Variants in FGD4 observed in about 807,000 individuals in gnomAD.
The protein encoded by FGD4 is FYVE, RhoGEF and PH domain-containing protein 4.
In FGD4, 42 loss-of-function variants were observed where a neutral mutation model predicts 102.0. That is an observed-to-expected ratio of 0.41 (90% confidence interval 0.32 to 0.53). The LOEUF (loss-of-function observed/expected upper bound fraction) is 0.53. Among genes scored for constraint, FGD4 ranks in the 20% least tolerant of loss-of-function variants. FGD4 has a pLI of 0.21. For synonymous variants in FGD4, 380 were observed against 375.7 expected, an observed-to-expected ratio of 1.01 and a Z score of -0.13; for missense variants, 902 against 1,078.2, an observed-to-expected ratio of 0.84 and a Z score of 2.29.
chr12:32,556,251 AT>A (rs1036850929), intron 1 of FGD4, among the ~76,000 whole-genome samples: 1 of 151,948 alleles, frequency 6.6e-6, no homozygotes, highest in Non-Finnish European at 1.5e-5. Flanking sequence ...ATGCTTTAAA[AT>A]TTTTTTTAAT....
chr12:32,476,619 C>T lies in FGD4; in HGVS notation c.166+76660C>T, dbSNP rs371431222. ...AAGTTGCCATGCCTCTAGCTAGGTG[C>T]AGGGCTATGTGCCTGTAATACCAGC... On this transcript the variant is annotated intron_variant, in intron 1 of 16. Transcript: ENST00000534526. Among the ~76,000 whole-genome samples, 3 of 152,102 alleles carry T rather than the reference C, an allele frequency of 2.0e-5. No homozygotes were observed. In the East Asian group the frequency reaches 5.8e-4, roughly 29 times the overall value.
intron 1 of FGD4, among the ~76,000 whole-genome samples, chr12:32,555,764 G>A (rs904333746): frequency 2.0e-5 from 3 of 151,772 alleles, no homozygotes; most frequent in Non-Finnish European, 1.5e-5. Context: ...TAGAGACGGG[G>A]TTTCACCGTG....
chr12:32,605,910 T>C (rs190666345), intron 7 of FGD4, among the ~76,000 whole-genome samples: 13 of 152,336 alleles, frequency 8.5e-5, no homozygotes, highest in Admixed American at 8.5e-4. Context: ...ATAGTGGTAG[T>C]TATTGTCTAG....
At chr12:32,467,217 T>G (rs1022950293) in intron 1 of FGD4, among the ~76,000 whole-genome samples, 2 of 152,112 alleles carry the variant, frequency 1.3e-5, no homozygotes, top group Non-Finnish European at 2.9e-5. Flanking sequence ...GATTACAGTT[T>G]GGTAAAAGAA....
At chr12:32,475,042 G>A (rs531599559) in intron 1 of FGD4, among the ~76,000 whole-genome samples, 20 of 152,280 alleles carry the variant, frequency 1.3e-4, no homozygotes, top group Middle Eastern at 3.4e-3. Context: ...TGACTGGGAG[G>A]CACATGACCT....
rs376652382 is a variant in FGD4 at position 32,637,166 on chromosome 12, C to T, written c.2314-1489C>T. Reference sequence around the variant, plus strand: ...TGCCTCCCAAAGTGCGGGGATTACACGTGTGAGCCACCGCACCCAGCCTTT... The same window carrying T: ...TGCCTCCCAAAGTGCGGGGATTACATGTGTGAGCCACCGCACCCAGCCTTT... On this transcript the variant is annotated intron_variant, in intron 15 of 16. Coordinates refer to ENST00000534526, the MANE Select transcript of FGD4 (RefSeq NM_001370298.3). 2.7e-4 allele frequency among the ~76,000 whole-genome samples: 41 copies of T among 150,276 alleles called. 1 individual carries two copies. Among genetic ancestry groups the T allele is most frequent in the Admixed American group, 1.9e-3 (28 of 15,054 alleles).
intron 1 of FGD4, among the ~76,000 whole-genome samples, chr12:32,410,005 TC>T (rs1472585378): frequency 0.016 from 1,284 of 81,816 alleles, 21 homozygotes; most frequent in African/African-American, 0.071. Context: ...GTCTTGTCTC[TC>T]AAAAAAAAAA....
chr12:32,607,720 G>T (rs1426772893), intron 7 of FGD4, among the ~76,000 whole-genome samples: 1 of 152,128 alleles, frequency 6.6e-6, no homozygotes, highest in Non-Finnish European at 1.5e-5. Context: ...TTGCCATGTT[G>T]GCCGGGCTGG....
At chr12:32,577,576 A>T (rs1946229282) in intron 3 of FGD4, among the ~76,000 whole-genome samples, 2 of 152,198 alleles carry the variant, frequency 1.3e-5, no homozygotes, top group South Asian at 4.1e-4. Context: ...TATTTTACAA[A>T]GTTACAAGTT....
chr12:32,439,121 A>C (rs1361093232), intron 1 of FGD4, among the ~76,000 whole-genome samples: 1 of 152,102 alleles, frequency 6.6e-6, no homozygotes, highest in Non-Finnish European at 1.5e-5. Context: ...ATTTCCCCAA[A>C]ACTGCACCCC....
At chr12:32,565,166 A>G (rs1221313835) in intron 2 of FGD4, among the ~76,000 whole-genome samples, 1 of 152,240 alleles carries the variant, frequency 6.6e-6, no homozygotes, top group Non-Finnish European at 1.5e-5. Context: ...TAGAGCATGC[A>G]TTATAAAATA....
intron 1 of FGD4, among the ~76,000 whole-genome samples, chr12:32,543,302 C>A (rs1942987655): frequency 6.6e-6 from 1 of 152,272 alleles, no homozygotes; most frequent in Non-Finnish European, 1.5e-5. Context: ...GTAGGCCACC[C>A]TCCCTGCACA....
chr12:32,578,089 G>A (rs1324235893), intron 3 of FGD4, among the ~76,000 whole-genome samples: 2 of 152,128 alleles, frequency 1.3e-5, no homozygotes, highest in Non-Finnish European at 2.9e-5. Context: ...CTGTTTTGAT[G>A]CAAAGGTTGA....
intron 1 of FGD4, among the ~76,000 whole-genome samples, chr12:32,443,485 G>T (rs1462614441): frequency 2.0e-5 from 3 of 151,672 alleles, no homozygotes; most frequent in African/African-American, 7.3e-5. Context: ...TGAGCAGCTG[G>T]GACTACAGGC....
chr12:32,639,575 AT>A (rs577393825), intron 16 of FGD4, among the ~76,000 whole-genome samples: 307 of 152,238 alleles, frequency 2.0e-3, no homozygotes, highest in African/African-American at 7.1e-3. Context: ...TTCAGTAGCA[AT>A]TTTTTTGAGA....
intron 1 of FGD4, among the ~76,000 whole-genome samples, chr12:32,538,833 C>T (rs1942539460): frequency 6.6e-6 from 1 of 152,100 alleles, no homozygotes; most frequent in Non-Finnish European, 1.5e-5. Context: ...GAGGGAAGAT[C>T]ATGAGGTCAG....
chr12:32,447,212 T>G (rs2136466382), intron 1 of FGD4, among the ~76,000 whole-genome samples: 1 of 152,316 alleles, frequency 6.6e-6, no homozygotes, highest in Non-Finnish European at 1.5e-5. Flanking sequence ...TGCCACTATT[T>G]TATAGGTAGT....
At position 32,599,534 on chromosome 12, in the gene FGD4, C is replaced by CTTTTTTTTT. The variant is rs764106230; in HGVS notation, c.1101+970_1101+978dup. 9.3e-4 allele frequency among the ~76,000 whole-genome samples: 33 copies of CTTTTTTTTT among 35,356 alleles called. 5 individuals are homozygous for CTTTTTTTTT. Among genetic ancestry groups the CTTTTTTTTT allele is most frequent in the East Asian group, 2.8e-3 (3 of 1,084 alleles). The allele number at this position is 35,356 out of a possible 152,430, so 23.2% of individuals were successfully genotyped here. On this transcript the variant is annotated intron_variant, in intron 5 of 16. Coordinates refer to ENST00000534526, the MANE Select transcript of FGD4 (RefSeq NM_001370298.3). ...GAATAACTTTTGAAAACTAAGGCATCTTTTTTTTTTTTTTTTTTTTTTTTT... is the reference window on the plus strand; with the variant it reads ...GAATAACTTTTGAAAACTAAGGCATCTTTTTTTTTTTTTTTTTTTTTTTTTTTTTTTTTT...
chr12:32,476,454 C>G (rs543260120), intron 1 of FGD4, among the ~76,000 whole-genome samples: 9 of 152,280 alleles, frequency 5.9e-5, no homozygotes, highest in Middle Eastern at 6.8e-3. Flanking sequence ...ATATGACTGT[C>G]GAGTTGGTCC....
Sources: allele counts gnomAD v4.1 joint callset (sites outside exome capture counted in the v4.1 genomes callset), GRCh38; gene constraint gnomAD v4.1.1; transcripts MANE v1.5; gene names NCBI Gene and HGNC (gene_info 2026-07-23, HGNC 2026-07-21).